Variants in TGS1 observed in about 807,000 individuals in gnomAD.
TGS1 encodes the protein trimethylguanosine synthase 1.
In TGS1, 69 loss-of-function variants were observed where a neutral mutation model predicts 92.2. The observed-to-expected ratio is 0.75, with a 90% CI of 0.62 to 0.91. The LOEUF is 0.91. Ranked by LOEUF, TGS1 falls within the 40% of genes least tolerant of loss-of-function variation. TGS1 has a pLI of 0.00. For missense variants in TGS1, 1,062 were observed against 1,001.2 expected (o/e 1.06, Z -0.82); for synonymous variants, 345 against 338.1 (o/e 1.02, Z -0.22).
In TGS1 at chr8:55,785,867, G is replaced by C. The variant is rs1432160013; in HGVS notation, c.315G>C (p.Arg105Ser). ...RSMGLPLQFGRITAHKDFEVS... is the reference protein window; with the variant it reads ...RSMGLPLQFGSITAHKDFEVS... ...TGGGATTGCCACTTCAATTTGGTAG[G>C]ATAACTGCACATAAGGATTTTGAGG... Residue 105 changes from arginine to serine, a missense_variant, in exon 3 of 13, where the codon AGG becomes AGC. Transcript: ENST00000260129. 6.2e-7 allele frequency: 1 copy of C among 1,608,392 alleles called. No homozygotes were observed. Among genetic ancestry groups the C allele is most frequent in the Non-Finnish European group, 8.5e-7 (1 of 1,178,126 alleles).
In TGS1 at chr8:55,785,746, G is replaced by A; in HGVS notation, c.194G>A (p.Gly65Asp). Residue 65 changes from glycine (G) to aspartate (D), a missense_variant, in exon 3 of 13, where the codon GGT becomes GAT. Physicochemically the swap from Gly to Asp is moderately conservative, Grantham distance 94. Transcript: ENST00000260129. ...GACCAGGCGACAGAAGAAGAGGAAG[G>A]TGGTTATTCCTGTGGTACTGCAGAA... The part of the protein sequence containing the change: ...SGDQATEEEE[G>D]GYSCGTAESH... 1 of 1,610,528 alleles carries A rather than the reference G, an allele frequency of 6.2e-7. No individual in the cohort carries two copies. Among genetic ancestry groups the A allele is most frequent in the Non-Finnish European group, 8.5e-7 (1 of 1,178,834 alleles).
chr8:55,802,503 T>C lies in TGS1; in HGVS notation c.1896T>C (p.Asn632=). The C allele has an allele frequency of 6.2e-7, 1 of 1,614,066 alleles. No individual in the cohort carries two copies. The highest frequency in any genetic ancestry group is 8.5e-7 in the Non-Finnish European group (1 of 1,179,962). The change falls in exon 9 of 13, where the codon AAT becomes AAC. Residue 632 remains asparagine (N), a synonymous_variant. Coordinates refer to ENST00000260129, the MANE Select transcript of TGS1 (RefSeq NM_024831.8). ...ACAAGAAGAAGAACAAAAAGGTGAA[T>C]GGTCTGCCTCCTGAAATAGCTGCTG... ...KKNKKKNKKV[N]GLPPEIAAVP...
At chr8:55,799,583 C>T (rs1812163331) in intron 8 of TGS1, among the ~76,000 whole-genome samples, 1 of 152,080 alleles carries the variant, frequency 6.6e-6, no homozygotes, top group African/African-American at 2.4e-5. Context: ...TTTACTTCTT[C>T]CTTTTTTTGT....
At chr8:55,793,669 G>C (rs1811949395) in intron 6 of TGS1, among the ~76,000 whole-genome samples, 2 of 152,124 alleles carry the variant, frequency 1.3e-5, no homozygotes, top group Non-Finnish European at 2.9e-5. Flanking sequence ...CTGGGTTCAA[G>C]TGATTCTCCT....
intron 6 of TGS1, among the ~76,000 whole-genome samples, chr8:55,795,522 T>C (rs1812015430): frequency 6.6e-6 from 1 of 152,212 alleles, no homozygotes; most frequent in Admixed American, 6.5e-5. Flanking sequence ...ATTCTCTAAT[T>C]ATTTTGATAC....
chr8:55,803,369 G>A (rs1413343927), intron 9 of TGS1, among the ~76,000 whole-genome samples: 2 of 152,134 alleles, frequency 1.3e-5, no homozygotes, highest in African/African-American at 4.8e-5. Context: ...GCAGACTGAT[G>A]CTCGTTTTCA....
chr8:55,822,572 T>G (rs1803679032), intron 12 of TGS1, among the ~76,000 whole-genome samples: 1 of 151,940 alleles, frequency 6.6e-6, no homozygotes, highest in Non-Finnish European at 1.5e-5. Flanking sequence ...CCCCCTTTCT[T>G]GTAAAAAAAC....
intron 4 of TGS1, among the ~76,000 whole-genome samples, chr8:55,789,720 A>C (rs1468179375): frequency 6.6e-6 from 1 of 152,242 alleles, no homozygotes; most frequent in Non-Finnish European, 1.5e-5. Flanking sequence ...ACATTTATGG[A>C]CAGAAAAAGA....
At chr8:55,791,871 G>GCTAACA (rs1197624999) in intron 5 of TGS1, among the ~76,000 whole-genome samples, 5 of 152,182 alleles carry the variant, frequency 3.3e-5, no homozygotes, top group Admixed American at 3.3e-4. Context: ...GTAGTCAGAT[G>GCTAACA]CTAACACTGT....
In TGS1 at chr8:55,802,498, G is replaced by GTGAA; in HGVS notation, c.1894_1897dup (p.Gly633GlufsTer6). On this transcript the variant is annotated frameshift_variant, in exon 9 of 13. Coordinates refer to ENST00000260129, the MANE Select transcript of TGS1 (RefSeq NM_024831.8). LOFTEE classifies it high-confidence loss of function. Reference sequence around the variant, plus strand: ...GAAGAACAAGAAGAAGAACAAAAAGGTGAATGGTCTGCCTCCTGAAATAGC... The same window carrying GTGAA: ...GAAGAACAAGAAGAAGAACAAAAAGGTGAATGAATGGTCTGCCTCCTGAAATAGC... The GTGAA allele has an allele frequency of 6.2e-7, 1 of 1,614,030 alleles. No homozygotes were observed. The highest frequency in any genetic ancestry group is 1.7e-4 in the Middle Eastern group (1 of 6,060).
At chr8:55,801,583 T>C (rs28442158) in intron 8 of TGS1, among the ~76,000 whole-genome samples, 241 of 13,302 alleles carry the variant, frequency 0.018, 1 homozygote, top group African/African-American at 0.05. Flanking sequence ...CCCATCGTTC[T>C]TTTTTTTTTT....
chr8:55,801,581 T>TC (rs200870575), intron 8 of TGS1, among the ~76,000 whole-genome samples: 7,164 of 102,650 alleles, frequency 0.07, 610 homozygotes, highest in South Asian at 0.12. Context: ...GCCCCATCGT[T>TC]CTTTTTTTTT....
At position 55,810,896 on chromosome 8, in the gene TGS1, T is replaced by A. The variant is rs769918240; in HGVS notation, c.2159T>A (p.Ile720Asn). 10 of 1,613,950 alleles carry A rather than the reference T, an allele frequency of 6.2e-6. No homozygotes were observed. Among genetic ancestry groups the A allele is most frequent in the Non-Finnish European group, 8.5e-6 (10 of 1,179,974 alleles). ...CCACTTTTAGTGATTGCCATTGATA[T>A]CGATCCTGTTAAGATTGCCCTTGCT... ...LTGMRVIAID[I>N]DPVKIALARN... The change falls in exon 11 of 13, where the codon ATC becomes AAC. Residue 720 changes from isoleucine (I) to asparagine (N), a missense_variant. Physicochemically the swap from Ile to Asn is moderately radical, Grantham distance 149. Coordinates refer to ENST00000260129, the MANE Select transcript of TGS1 (RefSeq NM_024831.8).
intron 1 of TGS1, among the ~76,000 whole-genome samples, chr8:55,780,563 A>G (rs1811534174): frequency 1.3e-5 from 2 of 152,142 alleles, no homozygotes; most frequent in South Asian, 2.1e-4. Flanking sequence ...TTCCCTTTGT[A>G]TTAATCAGTA....
chr8:55,792,285 A>C (rs940281232), intron 5 of TGS1, among the ~76,000 whole-genome samples: 1 of 152,014 alleles, frequency 6.6e-6, no homozygotes, highest in African/African-American at 2.4e-5. Flanking sequence ...TTTCTTTTAA[A>C]ATTTTTTTGG....
intron 1 of TGS1, among the ~76,000 whole-genome samples, chr8:55,774,032 C>G (rs1160749268): frequency 1.3e-5 from 2 of 152,176 alleles, no homozygotes; most frequent in Non-Finnish European, 2.9e-5. Flanking sequence ...AATGAAATCT[C>G]TAGTAGATAT....
In TGS1 at chr8:55,776,030, A is replaced by G. The variant is rs150215440; in HGVS notation, c.101+2311A>G. Among the ~76,000 whole-genome samples the G allele has an allele frequency of 4.0e-4, 61 of 152,260 alleles. No homozygotes were observed. In the East Asian group the frequency reaches 0.011, roughly 28 times the overall value. ...TTGACTGTAGCAGGAAGAACCGCAG[A>G]CAAAACCCCTCAGACACCAGGTTAA... On this transcript the variant is annotated intron_variant, in intron 1 of 12. Transcript: ENST00000260129.
chr8:55,822,736 G>A (rs1367243473), intron 12 of TGS1, among the ~76,000 whole-genome samples: 1 of 151,558 alleles, frequency 6.6e-6, no homozygotes, highest in Non-Finnish European at 1.5e-5. Flanking sequence ...ATCATTATAA[G>A]GAATACTGTA....
At position 55,786,607 on chromosome 8, in the gene TGS1, T is replaced by C; in HGVS notation, c.709T>C (p.Trp237Arg). Reference protein sequence around the residue: ...PWNFPDTKEEWEQHYSQLYWY... With the variant: ...PWNFPDTKEEREQHYSQLYWY... ...GAACTTTCCTGATACAAAGGAAGAA[T>C]GGGAGCAACATTATAGTCAACTTTA... Residue 237 changes from tryptophan to arginine, a missense_variant, in exon 4 of 13, where the codon TGG becomes CGG. Trp to Arg is a moderately radical substitution (Grantham distance 101). Transcript: ENST00000260129. 1 of 1,614,200 alleles carries C rather than the reference T, an allele frequency of 6.2e-7. No individual in the cohort carries two copies. The highest frequency in any genetic ancestry group is 1.3e-5 in the African/African-American group (1 of 75,062).
Sources: gnomAD v4.1 joint callset for allele counts (sites outside exome capture counted in the v4.1 genomes callset) on GRCh38, gnomAD v4.1.1 for gene constraint, MANE v1.5 for transcripts, NCBI Gene and HGNC (gene_info 2026-07-23, HGNC 2026-07-21) for gene names.